Variants in GNAQ observed in about 807,000 individuals in gnomAD.
The protein encoded by GNAQ is guanine nucleotide-binding protein G(q) subunit alpha.
A neutral mutation model predicts 43.9 loss-of-function variants in GNAQ; 8 were observed. That is an observed-to-expected ratio of 0.18 (90% confidence interval 0.11 to 0.33). GNAQ has a LOEUF of 0.33. GNAQ is among the 10% of genes least tolerant of loss of function. GNAQ has a pLI of 1.00. For missense variants in GNAQ, 158 were observed against 450.8 expected, an observed-to-expected ratio of 0.35 and a Z score of 5.88; for synonymous variants, 155 against 170.7, an observed-to-expected ratio of 0.91 and a Z score of 0.71.
intron 5 of GNAQ, among the ~76,000 whole-genome samples, chr9:77,730,840 A>C (rs1283125531): frequency 1.3e-5 from 2 of 152,240 alleles, no homozygotes; most frequent in South Asian, 4.1e-4. Context: ...GAGATTTTAT[A>C]GGCTGAATGT....
At chr9:77,842,915 C>T (rs993159084) in intron 2 of GNAQ, among the ~76,000 whole-genome samples, 1 of 152,206 alleles carries the variant, frequency 6.6e-6, no homozygotes, top group African/African-American at 2.4e-5. Context: ...CCCTCAATCC[C>T]AGTCTTTCCA....
chr9:77,846,597 G>T (rs990392051), intron 2 of GNAQ, among the ~76,000 whole-genome samples: 1 of 152,070 alleles, frequency 6.6e-6, no homozygotes, highest in Non-Finnish European at 1.5e-5. Flanking sequence ...GTCGGGAAGG[G>T]GCCAGGGAGA....
chr9:77,881,311 G>C (rs1564139726), intron 2 of GNAQ, among the ~76,000 whole-genome samples: 1 of 152,208 alleles, frequency 6.6e-6, no homozygotes, highest in African/African-American at 2.4e-5. Flanking sequence ...CAAGCACCCC[G>C]AACACTGCCT....
At chr9:77,831,622 C>T (rs1456024783) in intron 2 of GNAQ, among the ~76,000 whole-genome samples, 1 of 152,170 alleles carries the variant, frequency 6.6e-6, no homozygotes, top group Admixed American at 6.5e-5. Context: ...TTATCTGTTT[C>T]ATACTCTGTG....
chr9:77,903,457 A>G (rs970855557), intron 2 of GNAQ, among the ~76,000 whole-genome samples: 3 of 152,168 alleles, frequency 2.0e-5, no homozygotes, highest in African/African-American at 7.2e-5. Flanking sequence ...GAAAATGGAA[A>G]ATGTTTAAGT....
At position 77,718,736 on chromosome 9, in the gene GNAQ, T is replaced by TTTTTTA; in HGVS notation, c.*2586_*2587insTAAAAA. On this transcript the variant is annotated 3_prime_UTR_variant, in exon 7 of 7. Transcript: ENST00000286548. ...AAATGTTGTTGTTTAATTTTTTTTT[T>TTTTTTA]TTTTTTTTTTTTTTTTGCTGCACCA... 4.5e-6 allele frequency: 1 copy of TTTTTTA among 220,554 alleles called. No individual in the cohort carries two copies. Among genetic ancestry groups the TTTTTTA allele is most frequent in the Non-Finnish European group, 8.9e-6 (1 of 112,782 alleles). The allele number at this position is 220,554 out of a possible 1,614,324, so 13.7% of individuals were successfully genotyped here. A position where few individuals can be genotyped will look rare whatever the true frequency, so the allele number is the denominator to read the frequency against.
intron 1 of GNAQ, among the ~76,000 whole-genome samples, chr9:77,933,794 C>T (rs1037321199): frequency 6.6e-6 from 1 of 152,108 alleles, no homozygotes; most frequent in Admixed American, 6.6e-5. Flanking sequence ...ACTTAATACA[C>T]CACCCACAGA....
chr9:77,815,762 T>C lies in GNAQ; in HGVS notation c.330A>G (p.Ala110=), dbSNP rs1564118970. Residue 110 remains alanine, a synonymous_variant, in exon 3 of 7, where the codon GCA becomes GCG. Transcript: ENST00000286548. ...CCACATCAACTTCTCGAACTAATTG[T>C]GCATGAGCCTGTTTAAATAAAAAAA... ...PYKYEHNKAH[A]QLVREVDVEK... is the part of the protein sequence containing the mutation. The C allele has an allele frequency of 7.5e-6, 12 of 1,609,506 alleles. No individual in the cohort carries two copies. The highest frequency in any genetic ancestry group is 1.0e-5 in the Non-Finnish European group (12 of 1,177,674).
At chr9:77,812,850 T>C (rs1826948768) in intron 3 of GNAQ, among the ~76,000 whole-genome samples, 2 of 152,032 alleles carry the variant, frequency 1.3e-5, no homozygotes, top group Admixed American at 1.3e-4. Flanking sequence ...AAAAAAGATT[T>C]AGGTGACGTA....
intron 1 of GNAQ, among the ~76,000 whole-genome samples, chr9:77,946,769 G>C (rs1822907848): frequency 6.6e-6 from 1 of 152,190 alleles, no homozygotes; most frequent in Non-Finnish European, 1.5e-5. Flanking sequence ...TTAAAGCCCA[G>C]GGTATCAGAT....
chr9:77,855,043 G>A (rs145556371), intron 2 of GNAQ, among the ~76,000 whole-genome samples: 113 of 152,274 alleles, frequency 7.4e-4, no homozygotes, highest in African/African-American at 1.0e-3. Flanking sequence ...CAGAAATGAC[G>A]TCAGTGGCAA....
chr9:77,797,042 T>C (rs1434755325), intron 4 of GNAQ, among the ~76,000 whole-genome samples: 2 of 151,182 alleles, frequency 1.3e-5, no homozygotes, highest in Non-Finnish European at 3.0e-5. Context: ...CTCTCTTTTG[T>C]TTTTTTTTGA....
At chr9:77,751,508 C>T (rs1825809884) in intron 5 of GNAQ, among the ~76,000 whole-genome samples, 1 of 151,938 alleles carries the variant, frequency 6.6e-6, no homozygotes, top group Admixed American at 6.6e-5. Context: ...TTCAGAAAGC[C>T]CAGTAGAGAA....
In GNAQ at chr9:77,752,122, A is replaced by G. The variant is rs113380834; in HGVS notation, c.736-23455T>C. ...TTTTTTAAAACCTGTAGTCACTTTA[A>G]GTTAATCACTCTGACAAGTATTTCT... is the stretch of plus-strand genomic sequence containing the variant. On this transcript the variant is annotated intron_variant, in intron 5 of 6. Transcript: ENST00000286548. Among the ~76,000 whole-genome samples, 875 of 152,348 alleles carry G rather than the reference A, an allele frequency of 5.7e-3. 2 individuals are homozygous for G. Among genetic ancestry groups the G allele is most frequent in the African/African-American group, 0.02 (826 of 41,582 alleles).
intron 2 of GNAQ, among the ~76,000 whole-genome samples, chr9:77,834,835 A>T (rs1184827258): frequency 6.6e-6 from 1 of 152,230 alleles, no homozygotes; most frequent in Non-Finnish European, 1.5e-5. Flanking sequence ...TTTTAAAAAA[A>T]TTTATGGAAA....
In GNAQ at chr9:77,721,206, G is replaced by A; in HGVS notation, c.*117C>T. 1 of 642,560 alleles carries A rather than the reference G, an allele frequency of 1.6e-6. No homozygotes were observed. The highest frequency in any genetic ancestry group is 1.8e-5 in the African/African-American group (1 of 54,578). The allele number at this position is 642,560 out of a possible 1,614,324, so 39.8% of individuals were successfully genotyped here. A position where few individuals can be genotyped will look rare whatever the true frequency, so the allele number is the denominator to read the frequency against. On this transcript the variant is annotated 3_prime_UTR_variant, in exon 7 of 7. Coordinates refer to ENST00000286548, the MANE Select transcript of GNAQ (RefSeq NM_002072.5). ...AACTCTGTGGACACGCTCACACAGAGTCCAGGACGGCAATAAATTAGTATT... is the reference window on the plus strand; with the variant it reads ...AACTCTGTGGACACGCTCACACAGAATCCAGGACGGCAATAAATTAGTATT...
chr9:77,743,235 T>A (rs926407955), intron 5 of GNAQ, among the ~76,000 whole-genome samples: 11 of 152,032 alleles, frequency 7.2e-5, no homozygotes, highest in Non-Finnish European at 1.6e-4. Flanking sequence ...TCCAGCCTCA[T>A]GACAGAGTGA....
At chr9:77,942,514 G>C (rs534290498) in intron 1 of GNAQ, among the ~76,000 whole-genome samples, 1 of 152,124 alleles carries the variant, frequency 6.6e-6, no homozygotes, top group African/African-American at 2.4e-5. Flanking sequence ...CTGGCATGCT[G>C]GATGAAAACC....
intron 2 of GNAQ, among the ~76,000 whole-genome samples, chr9:77,887,762 A>G (rs1465863961): frequency 6.6e-6 from 1 of 152,248 alleles, no homozygotes; most frequent in African/African-American, 2.4e-5. Flanking sequence ...AATATATAAC[A>G]TATCACATGC....
Sources: allele counts gnomAD v4.1 joint callset (sites outside exome capture counted in the v4.1 genomes callset), GRCh38; gene constraint gnomAD v4.1.1; transcripts MANE v1.5; gene names NCBI Gene and HGNC (gene_info 2026-07-23, HGNC 2026-07-21).